PNPLA1: variants seen among roughly 807,000 people sequenced by gnomAD.
PNPLA1 encodes omega-hydroxyceramide transacylase.
PNPLA1 carries 36 observed loss-of-function variants against 51.7 expected under a neutral mutation model. That is an observed-to-expected ratio of 0.70 (90% CI 0.53 to 0.92). The LOEUF (loss-of-function observed/expected upper bound fraction) is 0.92. PNPLA1 is among the 40% of genes least tolerant of loss of function. The probability of loss-of-function intolerance (pLI) is 0.00; values close to 1 mark genes in which losing one functional copy is unlikely to be tolerated. For missense variants in PNPLA1, 658 were observed against 682.5 expected (o/e 0.96, Z 0.40); for synonymous variants, 293 against 280.1 (o/e 1.05, Z -0.46).
upstream of PNPLA1, among the ~76,000 whole-genome samples, chr6:36,265,630 C>A (rs142455112): frequency 6.6e-6 from 1 of 152,142 alleles, no homozygotes; most frequent in Admixed American, 6.5e-5. Flanking sequence ...TATTTAAGAG[C>A]TCTTGCACTG....
intron 1 of PNPLA1, among the ~76,000 whole-genome samples, chr6:36,252,514 G>A (rs1297787407): frequency 6.8e-6 from 1 of 147,004 alleles, no homozygotes; most frequent in African/African-American, 2.6e-5. Context: ...TCAGGGGTTG[G>A]GCTGTGTGTG....
At chr6:36,284,666 G>T (rs1466538184) in intron 1 of PNPLA1, among the ~76,000 whole-genome samples, 1 of 152,246 alleles carries the variant, frequency 6.6e-6, no homozygotes, top group East Asian at 1.9e-4. Context: ...TAAAATGTGA[G>T]AATTCATTGG....
chr6:36,296,945 G>A lies in PNPLA1; in HGVS notation c.775+1521G>A, dbSNP rs185670956. On this transcript the variant is annotated intron_variant, in intron 5 of 8. Coordinates refer to ENST00000636260, the MANE Select transcript of PNPLA1 (RefSeq NM_001374623.1). ...GCCTCAGTTTCCTCATCTGTAAAAGGGGCCTTATGGTTTTATTTTGAAGAT... is the reference window on the plus strand; with the variant it reads ...GCCTCAGTTTCCTCATCTGTAAAAGAGGCCTTATGGTTTTATTTTGAAGAT... Among the ~76,000 whole-genome samples the A allele has an allele frequency of 4.7e-4, 72 of 152,250 alleles. 1 individual carries two copies. Among genetic ancestry groups the A allele is most frequent in the African/African-American group, 1.5e-3 (64 of 41,556 alleles).
chr6:36,250,328 C>G (rs1769393538), intron 1 of PNPLA1, among the ~76,000 whole-genome samples: 1 of 152,150 alleles, frequency 6.6e-6, no homozygotes, highest in African/African-American at 2.4e-5. Flanking sequence ...GGCAGCAGTC[C>G]TGTGATCATG....
At chr6:36,254,498 C>T (rs999743256) in intron 1 of PNPLA1, among the ~76,000 whole-genome samples, 1 of 151,956 alleles carries the variant, frequency 6.6e-6, no homozygotes, top group African/African-American at 2.4e-5. Flanking sequence ...TCACTTGAGC[C>T]CATGAGTTCA....
intron 1 of PNPLA1, among the ~76,000 whole-genome samples, chr6:36,288,522 G>A (rs893453653): frequency 5.4e-5 from 8 of 147,972 alleles, no homozygotes; most frequent in African/African-American, 2.0e-4. Context: ...GCGCAATCTC[G>A]GCTCACTGCA....
upstream of PNPLA1, among the ~76,000 whole-genome samples, chr6:36,269,311 G>A (rs377685719): frequency 1.8e-3 from 281 of 152,228 alleles, 5 homozygotes; most frequent in African/African-American, 5.4e-3. Context: ...GGGACATTTT[G>A]TGGGTGTGAG....
intron 1 of PNPLA1, among the ~76,000 whole-genome samples, chr6:36,275,184 T>C (rs1224244812): frequency 1.3e-5 from 2 of 152,150 alleles, no homozygotes; most frequent in African/African-American, 4.8e-5. Flanking sequence ...GCTCAAGTGA[T>C]CCTCCTGCAT....
chr6:36,246,726 C>T (rs768533562), intron 1 of PNPLA1, among the ~76,000 whole-genome samples: 12 of 152,148 alleles, frequency 7.9e-5, no homozygotes, highest in Non-Finnish European at 1.5e-4. Context: ...CCTTTTGCCA[C>T]GGCTTTGAGC....
intron 5 of PNPLA1, among the ~76,000 whole-genome samples, chr6:36,298,487 G>A (rs1770927474): frequency 6.6e-6 from 1 of 152,134 alleles, no homozygotes. Flanking sequence ...ATTTCATATT[G>A]TTGTGCAGCA....
intron 8 of PNPLA1, among the ~76,000 whole-genome samples, chr6:36,308,821 T>C (rs755763719): frequency 2.6e-5 from 4 of 152,144 alleles, no homozygotes; most frequent in African/African-American, 7.2e-5. Context: ...AGTTATTTCA[T>C]TGGGTTATCA....
chr6:36,277,678 A>G (rs1770148496), intron 1 of PNPLA1, among the ~76,000 whole-genome samples: 1 of 152,270 alleles, frequency 6.6e-6, no homozygotes, highest in African/African-American at 2.4e-5. Flanking sequence ...AGACTGGGCA[A>G]CAAAGTGAGA....
chr6:36,292,245 T>A (rs991045155), intron 2 of PNPLA1, among the ~76,000 whole-genome samples: 1 of 151,932 alleles, frequency 6.6e-6, no homozygotes, highest in South Asian at 2.1e-4. Flanking sequence ...CTGGCAGTAA[T>A]CCTGGGGATG....
intron 5 of PNPLA1, among the ~76,000 whole-genome samples, chr6:36,299,466 C>CT (rs1249509665): frequency 9.2e-5 from 14 of 151,908 alleles, no homozygotes; most frequent in African/African-American, 3.4e-4. Flanking sequence ...TCCCGAGTAG[C>CT]TGGGACTACA....
intron 1 of PNPLA1, among the ~76,000 whole-genome samples, chr6:36,279,905 T>C (rs994238727): frequency 6.6e-6 from 1 of 152,106 alleles, no homozygotes; most frequent in Non-Finnish European, 1.5e-5. Context: ...GAGAACAAAT[T>C]AAACTTTATT....
At chr6:36,278,799 A>G (rs1582058376) in intron 1 of PNPLA1, among the ~76,000 whole-genome samples, 1 of 152,266 alleles carries the variant, frequency 6.6e-6, no homozygotes, top group South Asian at 2.1e-4. Context: ...TAGAACATTC[A>G]TTCGCTCATT....
In PNPLA1 at chr6:36,280,894, A is replaced by T. The variant is rs536536016; in HGVS notation, c.205+10230A>T. On this transcript the variant is annotated intron_variant, in intron 1 of 8. Transcript: ENST00000636260. ...AACCTTGAATTCCTGGGCTCAAGTGATCCTCCTGCTTCAGCCTCCTGAGTA... is the reference window on the plus strand; with the variant it reads ...AACCTTGAATTCCTGGGCTCAAGTGTTCCTCCTGCTTCAGCCTCCTGAGTA... Among the ~76,000 whole-genome samples, 11 of 152,264 alleles carry T rather than the reference A, an allele frequency of 7.2e-5. No homozygotes were observed. The East Asian group carries it at 2.1e-3, about 29-fold the overall frequency.
At chr6:36,279,782 A>G (rs1056866750) in intron 1 of PNPLA1, among the ~76,000 whole-genome samples, 2 of 152,228 alleles carry the variant, frequency 1.3e-5, no homozygotes, top group African/African-American at 4.8e-5. Flanking sequence ...TAGTCACAAA[A>G]TAAGTCTTTG....
chr6:36,304,035 G>A (rs1489894939), intron 6 of PNPLA1, among the ~76,000 whole-genome samples: 1 of 152,062 alleles, frequency 6.6e-6, no homozygotes, highest in African/African-American at 2.4e-5. Flanking sequence ...GAGCATTTCC[G>A]ATTTTGTTTA....
Sources: allele counts gnomAD v4.1 joint callset (sites outside exome capture counted in the v4.1 genomes callset), GRCh38; gene constraint gnomAD v4.1.1; transcripts MANE v1.5; gene names NCBI Gene and HGNC (gene_info 2026-07-23, HGNC 2026-07-21).